The following ITPR2 variants were observed in gnomAD, a reference collection of about 807,000 sequenced individuals.
ITPR2 encodes inositol 1,4,5-trisphosphate-gated calcium channel ITPR2.
A neutral mutation model predicts 317.1 loss-of-function variants in ITPR2; 207 were observed. The ratio of observed to expected loss-of-function variants is 0.65; its 90% CI spans 0.58 to 0.73. The LOEUF (loss-of-function observed/expected upper bound fraction) is 0.73, where lower values mean the gene tolerates loss of function less well. Ranked by LOEUF, ITPR2 falls within the 30% of genes least tolerant of loss-of-function variation. The probability of loss-of-function intolerance (pLI) is 0.00; values close to 1 mark genes in which losing one functional copy is unlikely to be tolerated. For missense variants in ITPR2, 2,613 were observed against 3,284.0 expected, an observed-to-expected ratio of 0.80 and a Z score of 4.99; for synonymous variants, 1,156 against 1,149.1, an observed-to-expected ratio of 1.01 and a Z score of -0.12.
chr12:26,764,418 G>A (rs1310162014), intron 2 of ITPR2, among the ~76,000 whole-genome samples: 3 of 151,940 alleles, frequency 2.0e-5, no homozygotes, highest in Non-Finnish European at 4.4e-5. Context: ...GACAAGATAA[G>A]GCACCAACTG....
intron 14 of ITPR2, 113 bp downstream of exon 14, chr12:26,665,797 C>T: frequency 3.3e-6 from 3 of 907,102 alleles, no homozygotes; most frequent in Non-Finnish European, 5.0e-6. Flanking sequence ...TGTTTTCAGC[C>T]ACTAAGTTTT....
chr12:26,447,850 T>C (rs572753287), intron 45 of ITPR2, among the ~76,000 whole-genome samples: 2 of 152,178 alleles, frequency 1.3e-5, no homozygotes, highest in Non-Finnish European at 2.9e-5. Context: ...TTAAAGGGTT[T>C]AGTCCCCTAT....
intron 55 of ITPR2, among the ~76,000 whole-genome samples, chr12:26,342,947 A>G (rs1005792963): frequency 6.6e-6 from 1 of 151,248 alleles, no homozygotes; most frequent in African/African-American, 2.4e-5. Context: ...TTCTCGGGGG[A>G]GTGGATTAGT....
chr12:26,505,352 T>C (rs1321703086), intron 37 of ITPR2, among the ~76,000 whole-genome samples: 1 of 152,194 alleles, frequency 6.6e-6, no homozygotes, highest in East Asian at 1.9e-4. Context: ...ACAATCCACA[T>C]CTTCCTTCTG....
chr12:26,784,759 A>G (rs11048684), intron 2 of ITPR2, among the ~76,000 whole-genome samples: 100,844 of 147,800 alleles, frequency 0.68, 35,620 homozygotes, highest in East Asian at 0.96. Flanking sequence ...CTGCCCAGCC[A>G]CCACCCCGTC....
chr12:26,519,023 T>C (rs1034089768), intron 37 of ITPR2, among the ~76,000 whole-genome samples: 1 of 152,134 alleles, frequency 6.6e-6, no homozygotes, highest in Non-Finnish European at 1.5e-5. Flanking sequence ...ACCATTTTCA[T>C]GTAATAAATA....
chr12:26,384,875 A>G (rs929207971), intron 55 of ITPR2, among the ~76,000 whole-genome samples: 4 of 151,938 alleles, frequency 2.6e-5, no homozygotes, highest in Non-Finnish European at 5.9e-5. Flanking sequence ...TTTTTCCTGA[A>G]TGGGGGATCC....
intron 37 of ITPR2, among the ~76,000 whole-genome samples, chr12:26,510,476 C>T (rs371619019): frequency 1.5e-4 from 23 of 152,348 alleles, no homozygotes; most frequent in East Asian, 1.3e-3. Context: ...TGTTTACTTA[C>T]AGCTTTAGCA....
At chr12:26,397,655 C>T (rs952271273) in intron 54 of ITPR2, among the ~76,000 whole-genome samples, 1 of 152,106 alleles carries the variant, frequency 6.6e-6, no homozygotes, top group African/African-American at 2.4e-5. Flanking sequence ...ACACCTACAA[C>T]TGTTGGAGGA....
chr12:26,524,366 G>A lies in ITPR2; in HGVS notation c.5073+25881C>T, dbSNP rs149072434. On this transcript the variant is annotated intron_variant, in intron 37 of 56. Transcript: ENST00000381340. ...ACCTCATATACTCATCATTTTATTTGCAGGGATTAATCAAAAAATATGCAC... is the reference window on the plus strand; with the variant it reads ...ACCTCATATACTCATCATTTTATTTACAGGGATTAATCAAAAAATATGCAC... Among the ~76,000 whole-genome samples, 292 of 152,190 alleles carry A rather than the reference G, an allele frequency of 1.9e-3. 1 individual carries two copies. Among genetic ancestry groups the A allele is most frequent in the African/African-American group, 6.8e-3 (284 of 41,508 alleles).
At chr12:26,591,862 T>G (rs1591938032) in intron 32 of ITPR2, among the ~76,000 whole-genome samples, 1 of 147,218 alleles carries the variant, frequency 6.8e-6, no homozygotes, top group Non-Finnish European at 1.5e-5. Flanking sequence ...CAACTAAAAA[T>G]AGAGCTACCA....
At chr12:26,558,308 A>G (rs1318489065) in intron 35 of ITPR2, among the ~76,000 whole-genome samples, 1 of 152,198 alleles carries the variant, frequency 6.6e-6, no homozygotes, top group Non-Finnish European at 1.5e-5. Flanking sequence ...TATTTTGGTC[A>G]TGAGGCAACT....
Position 26,656,530 on chromosome 12 carries a change from A to G in ITPR2, c.2211T>C (p.Phe737=), listed in dbSNP as rs1482427985. The change falls in exon 19 of 57, where the codon TTT becomes TTC. Residue 737 remains phenylalanine (F), a synonymous_variant. Coordinates refer to ENST00000381340, the MANE Select transcript of ITPR2 (RefSeq NM_002223.4). ...ACTGGCGATCCAAGCACATCCTTGC[A>G]AAGAGGTTTAGCTGGTACCTTAAAA... is the stretch of plus-strand genomic sequence containing the variant. ...LTYYRYQLNL[F]ARMCLDRQYL... 2 of 1,614,234 alleles carry G rather than the reference A, an allele frequency of 1.2e-6. No homozygotes were observed. Among genetic ancestry groups the G allele is most frequent in the Non-Finnish European group, 1.7e-6 (2 of 1,180,034 alleles).
intron 2 of ITPR2, among the ~76,000 whole-genome samples, chr12:26,784,533 G>C (rs1313563466): frequency 4.0e-5 from 6 of 151,486 alleles, no homozygotes; most frequent in South Asian, 2.1e-4. Context: ...TGGTGGAGAC[G>C]GGGTTTTGCT....
chr12:26,799,234 T>C (rs1950512282), intron 1 of ITPR2, among the ~76,000 whole-genome samples: 1 of 152,204 alleles, frequency 6.6e-6, no homozygotes, highest in South Asian at 2.1e-4. Context: ...ATAATTAACC[T>C]ATACCCACAC....
intron 55 of ITPR2, among the ~76,000 whole-genome samples, chr12:26,361,612 A>G (rs1480093256): frequency 6.6e-6 from 1 of 152,266 alleles, no homozygotes; most frequent in Non-Finnish European, 1.5e-5. Context: ...AACGTGATAT[A>G]TAAAAATGAA....
At chr12:26,600,507 C>T (rs1945971425) in intron 28 of ITPR2, among the ~76,000 whole-genome samples, 1 of 151,798 alleles carries the variant, frequency 6.6e-6, no homozygotes, top group African/African-American at 2.4e-5. Context: ...TTCTCTGTTT[C>T]TCCTCCCTTC....
intron 54 of ITPR2, among the ~76,000 whole-genome samples, chr12:26,390,666 G>C (rs1939804502): frequency 6.6e-6 from 1 of 152,130 alleles, no homozygotes; most frequent in Admixed American, 6.5e-5. Context: ...ATCAATTATG[G>C]TGATGGATGC....
intron 8 of ITPR2, among the ~76,000 whole-genome samples, chr12:26,713,750 A>C (rs113108622): frequency 0.019 from 2,852 of 152,260 alleles, 83 homozygotes; most frequent in African/African-American, 0.066. Flanking sequence ...AGTTTTAAAT[A>C]ATATCTCATC....
Sources: allele counts gnomAD v4.1 joint callset (sites outside exome capture counted in the v4.1 genomes callset), GRCh38; gene constraint gnomAD v4.1.1; transcripts MANE v1.5; gene names NCBI Gene and HGNC (gene_info 2026-07-23, HGNC 2026-07-21).